Variants in DAZL observed in about 807,000 individuals in gnomAD.
The protein encoded by DAZL is deleted in azoospermia-like.
In DAZL, 4 loss-of-function variants were observed where a neutral mutation model predicts 45.0. The observed-to-expected ratio is 0.09, with a 90% confidence interval of 0.04 to 0.20. The LOEUF (loss-of-function observed/expected upper bound fraction) is 0.20, where lower values mean the gene tolerates loss of function less well. DAZL is among the 10% of genes least tolerant of loss of function. DAZL has a pLI of 1.00. For missense variants in DAZL, 326 were observed against 351.3 expected (o/e 0.93, Z 0.58); for synonymous variants, 122 against 112.4 (o/e 1.09, Z -0.54).
chr3:16,588,891 G>A (rs1694477652), intron 10 of DAZL, among the ~76,000 whole-genome samples, 178 bp from the exon 11 acceptor site: 1 of 151,724 alleles, frequency 6.6e-6, no homozygotes, highest in African/African-American at 2.4e-5. Context: ...TATATACCAG[G>A]ATGGCTAGTT....
chr3:16,603,651 T>C (rs1484743630), intron 1 of DAZL, among the ~76,000 whole-genome samples: 2 of 152,176 alleles, frequency 1.3e-5, no homozygotes, highest in Admixed American at 6.5e-5. Context: ...CAGCCCATGA[T>C]AGTATTGTTT....
chr3:16,605,334 A>G lies in DAZL; in HGVS notation c.-129T>C. ...CGGCTTCGAGTGGTCAAAGGAGCCA[A>G]AGATGAAGAGAAAAGGAAAACCAAG... is the stretch of plus-strand genomic sequence containing the variant. On this transcript the variant is annotated 5_prime_UTR_variant, in exon 1 of 11. Coordinates refer to ENST00000399444, the MANE Select transcript of DAZL (RefSeq NM_001351.4). The G allele has an allele frequency of 8.6e-7, 1 of 1,157,912 alleles. No homozygotes were observed. Among genetic ancestry groups the G allele is most frequent in the Non-Finnish European group, 1.3e-6 (1 of 765,714 alleles). 71.7% of individuals were successfully genotyped at this position (1,157,912 alleles called of 1,614,324 possible).
Position 16,598,580 on chromosome 3 carries a change from T to G in DAZL, c.22A>C (p.Thr8Pro). The change falls in exon 2 of 11, where the codon ACT becomes CCT. Residue 8 changes from threonine (T) to proline (P), a missense_variant. Coordinates refer to ENST00000399444, the MANE Select transcript of DAZL (RefSeq NM_001351.4). ...TCTCTGGAGATGGTTGAGTTTGGAG[T>G]TTCAGGATTTGCAGTAGACTGTAAT... MSTANPE[T>P]PNSTISREAS... 6.3e-7 allele frequency: 1 copy of G among 1,597,932 alleles called. No homozygotes were observed. Among genetic ancestry groups the G allele is most frequent in the Non-Finnish European group, 8.5e-7 (1 of 1,178,134 alleles).
At chr3:16,596,408 T>C (rs1410819820) in intron 6 of DAZL, among the ~76,000 whole-genome samples, 1 of 152,038 alleles carries the variant, frequency 6.6e-6, no homozygotes, top group African/African-American at 2.4e-5. Flanking sequence ...AATAGCTAGA[T>C]GATTTGCTAA....
intron 1 of DAZL, among the ~76,000 whole-genome samples, chr3:16,601,561 A>C (rs1445185210): frequency 6.6e-6 from 1 of 152,230 alleles, no homozygotes; most frequent in African/African-American, 2.4e-5. Context: ...AAAAATCCAC[A>C]ATCAATAGAC....
chr3:16,594,016 AAG>A (rs1694560360), intron 8 of DAZL, among the ~76,000 whole-genome samples: 1 of 152,236 alleles, frequency 6.6e-6, no homozygotes, highest in Non-Finnish European at 1.5e-5. Flanking sequence ...CTAATGTAGT[AAG>A]AGAGTGTTTG....
At chr3:16,603,742 A>G (rs2125049638) in intron 1 of DAZL, among the ~76,000 whole-genome samples, 2 of 152,346 alleles carry the variant, frequency 1.3e-5, no homozygotes, top group South Asian at 4.1e-4. Flanking sequence ...AATTAAAATT[A>G]TCTTCAGAAC....
intron 2 of DAZL, 68 bp downstream of exon 2, chr3:16,598,384 T>C (rs966503368): frequency 8.2e-6 from 13 of 1,587,570 alleles, no homozygotes; most frequent in Non-Finnish European, 1.1e-5. Context: ...ACCTTAAGTT[T>C]GTAACAGGGC....
At chr3:16,603,296 C>A (rs1291259225) in intron 1 of DAZL, among the ~76,000 whole-genome samples, 1 of 152,050 alleles carries the variant, frequency 6.6e-6, no homozygotes, top group African/African-American at 2.4e-5. Context: ...CAATTCATCT[C>A]AAGGAATTAA....
chr3:16,591,771 T>C (rs1227053616), intron 10 of DAZL, among the ~76,000 whole-genome samples: 1 of 152,194 alleles, frequency 6.6e-6, no homozygotes, highest in Admixed American at 6.5e-5. Flanking sequence ...TCTTTTACTA[T>C]TTGGTCAAGC....
In DAZL at chr3:16,600,270, A is replaced by G. The variant is rs1321622185; in HGVS notation, c.4-1672T>C. On this transcript the variant is annotated intron_variant, in intron 1 of 10. Transcript: ENST00000399444. ...CAGTAATTTTATAGGAATTAATAAG[A>G]AAGTAGAGTTCCTGCTTTGTTAATT... is the stretch of plus-strand genomic sequence containing the variant. Among the ~76,000 whole-genome samples the G allele has an allele frequency of 2.0e-5, 3 of 152,312 alleles. No homozygotes were observed. The East Asian group carries it at 5.8e-4, about 29-fold the overall frequency.
rs763672641 is a variant in DAZL, at chr3:16,598,434, G to A, written c.150+18C>T. ...TCATAATGCATTTCAAGGTAAAAAT[G>A]AGGTATGAATACAATACCCTAACAT... On this transcript the variant is annotated intron_variant, in intron 2 of 10. Transcript: ENST00000399444. 2 of 1,604,644 alleles carry A rather than the reference G, an allele frequency of 1.2e-6. No individual in the cohort carries two copies. The highest frequency in any genetic ancestry group is 2.2e-5 in the South Asian group (2 of 91,002).
chr3:16,592,283 G>T, intron 9 of DAZL, 135 bp from the exon 10 acceptor site: 1 of 1,351,442 alleles, frequency 7.4e-7, no homozygotes. Flanking sequence ...GAGACTGGGA[G>T]TGGTGGCTCA....
At chr3:16,604,386 C>T (rs1694741017) in intron 1 of DAZL, 3 of 1,433,974 alleles carry the variant, frequency 2.1e-6, no homozygotes, top group Non-Finnish European at 2.8e-6. Context: ...GGGAAAAAAC[C>T]GTACCCAGAA....
rs1331934539 is a variant in DAZL at position 16,588,504 on chromosome 3, A to T, written c.*156T>A. 3 of 649,858 alleles carry T rather than the reference A, an allele frequency of 4.6e-6. No homozygotes were observed. Among genetic ancestry groups the T allele is most frequent in the Middle Eastern group, 2.8e-4 (1 of 3,546 alleles). 40.3% of individuals were successfully genotyped at this position (649,858 alleles called of 1,614,324 possible). On this transcript the variant is annotated 3_prime_UTR_variant, in exon 11 of 11. Coordinates refer to ENST00000399444, the MANE Select transcript of DAZL (RefSeq NM_001351.4). Reference sequence around the variant, plus strand: ...GTTTCTAAATAAACATCTAATGAAGAACAGTTTAAGATAAAACTAGAGAGT... The same window carrying T: ...GTTTCTAAATAAACATCTAATGAAGTACAGTTTAAGATAAAACTAGAGAGT...
chr3:16,605,206 G>A lies in DAZL; in HGVS notation c.-1C>T, dbSNP rs779798025. 1.9e-6 allele frequency: 3 copies of A among 1,614,190 alleles called. No homozygotes were observed. The highest frequency in any genetic ancestry group is 1.6e-4 in the Middle Eastern group (1 of 6,062). The stretch of plus-strand genomic sequence containing the variant: ...TCGGGCCTCTCCCTCAACTCACCAT[G>A]ATGGCGGCAGGCAGCAGTTCCCGAC... On this transcript the variant is annotated 5_prime_UTR_variant, in exon 1 of 11. Transcript: ENST00000399444.
Position 16,597,192 on chromosome 3 carries a change from C to T in DAZL, c.295-141G>A, listed in dbSNP as rs149826501. On this transcript the variant is annotated intron_variant, in intron 4 of 10. Coordinates refer to ENST00000399444, the MANE Select transcript of DAZL (RefSeq NM_001351.4). The stretch of plus-strand genomic sequence containing the variant: ...TACACACCAAATTAAAATTTGTCAT[C>T]ATGAAGCTACCTTACCCTTATTTCT... 256 of 1,131,302 alleles carry T rather than the reference C, an allele frequency of 2.3e-4. 1 individual carries two copies. In the Middle Eastern group the frequency reaches 4.5e-3, roughly 20 times the overall value. The allele number at this position is 1,131,302 out of a possible 1,614,324, so 70.1% of individuals were successfully genotyped here.
chr3:16,592,091 T>C lies in DAZL; in HGVS notation c.793A>G (p.Arg265Gly). 6.2e-7 allele frequency: 1 copy of C among 1,613,894 alleles called. No individual in the cohort carries two copies. Among genetic ancestry groups the C allele is most frequent in the Non-Finnish European group, 8.5e-7 (1 of 1,179,840 alleles). Reference sequence around the variant, plus strand: ...TGAGTAACAACAGAGTTTCTCAGTCTGTTCTCTGGATTAAACAGACAAGAT... The same window carrying C: ...TGAGTAACAACAGAGTTTCTCAGTCCGTTCTCTGGATTAAACAGACAAGAT... ...VVSCLFNPENRLRNSVVTQDD... is the reference protein window; with the variant it reads ...VVSCLFNPENGLRNSVVTQDD... Residue 265 changes from arginine to glycine, a missense_variant, in exon 10 of 11, where the codon AGA becomes GGA. Physicochemically the swap from Arg to Gly is moderately radical, Grantham distance 125 (BLOSUM62 -2). Transcript: ENST00000399444.
chr3:16,589,058 C>T (rs1694480280), intron 10 of DAZL, among the ~76,000 whole-genome samples: 1 of 152,058 alleles, frequency 6.6e-6, no homozygotes, highest in Non-Finnish European at 1.5e-5. Flanking sequence ...AAATGTAATT[C>T]TAAAAAATAC....
Sources: gnomAD v4.1 joint callset for allele counts (sites outside exome capture counted in the v4.1 genomes callset) on GRCh38, gnomAD v4.1.1 for gene constraint, MANE v1.5 for transcripts, NCBI Gene and HGNC (gene_info 2026-07-23, HGNC 2026-07-21) for gene names.